Variants in NPAS2 observed in about 807,000 individuals in gnomAD.
NPAS2 encodes the protein neuronal PAS domain protein 2.
NPAS2 carries 23 observed loss-of-function variants against 107.5 expected under a neutral mutation model. That is an observed-to-expected ratio of 0.21 (90% CI 0.15 to 0.30). The LOEUF is 0.30. Ranked by LOEUF, NPAS2 falls within the 10% of genes least tolerant of loss-of-function variation. The pLI is 1.00. For missense variants in NPAS2, 756 were observed against 1,043.3 expected (o/e 0.72, Z 3.79); for synonymous variants, 403 against 417.5 (o/e 0.97, Z 0.42).
chr2:100,820,931 C>T lies in NPAS2; in HGVS notation c.-23+517C>T. On this transcript the variant is annotated intron_variant, in intron 1 of 20. Transcript: ENST00000335681. The surrounding 1 kb of genome is among the most constrained non-coding windows in gnomAD (Gnocchi z 5.6). Reference sequence around the variant, plus strand: ...TTCCGGGCCGGATTGGGTGCGGAATCGGTGCCCCCAACCCCCGTGTGCGCA... The same window carrying T: ...TTCCGGGCCGGATTGGGTGCGGAATTGGTGCCCCCAACCCCCGTGTGCGCA... 1 of 743,752 alleles carries T rather than the reference C, an allele frequency of 1.3e-6. No homozygotes were observed. Among genetic ancestry groups the T allele is most frequent in the South Asian group, 1.8e-5 (1 of 55,656 alleles). 46.1% of individuals were successfully genotyped at this position (743,752 alleles called of 1,614,324 possible). A position where few individuals can be genotyped will look rare whatever the true frequency, so the allele number is the denominator to read the frequency against.
chr2:100,981,467 G>T (rs555202261), intron 15 of NPAS2, among the ~76,000 whole-genome samples: 11 of 152,258 alleles, frequency 7.2e-5, no homozygotes, highest in Non-Finnish European at 1.3e-4. Context: ...TGAGGGAGAC[G>T]GGACAGGAGG....
intron 1 of NPAS2, among the ~76,000 whole-genome samples, chr2:100,839,550 G>A (rs1306364160): frequency 6.6e-6 from 1 of 152,062 alleles, no homozygotes; most frequent in Non-Finnish European, 1.5e-5. Flanking sequence ...AGAATATGGG[G>A]TATGATATAT....
chr2:100,928,051 G>T (rs1683696191), intron 3 of NPAS2, among the ~76,000 whole-genome samples: 2 of 152,120 alleles, frequency 1.3e-5, no homozygotes, highest in Admixed American at 1.3e-4. Context: ...AGAGGGTGCG[G>T]CTGGGACATC....
chr2:100,914,959 A>C (rs1421271710), intron 2 of NPAS2, among the ~76,000 whole-genome samples: 1 of 152,192 alleles, frequency 6.6e-6, no homozygotes, highest in Non-Finnish European at 1.5e-5. Flanking sequence ...GCCTAGACTC[A>C]ATGCAGCCCC....
chr2:100,829,968 A>G (rs1676625454), intron 1 of NPAS2, among the ~76,000 whole-genome samples: 1 of 152,192 alleles, frequency 6.6e-6, no homozygotes, highest in Non-Finnish European at 1.5e-5. Context: ...AGGAAAGGAA[A>G]AGGCAAGATG....
chr2:100,845,925 T>C (rs1022338173), intron 1 of NPAS2, among the ~76,000 whole-genome samples: 1 of 152,228 alleles, frequency 6.6e-6, no homozygotes, highest in African/African-American at 2.4e-5. Flanking sequence ...AATGGATTAT[T>C]CCAAACCACT....
intron 8 of NPAS2, among the ~76,000 whole-genome samples, chr2:100,964,394 C>T (rs777994703): frequency 1.3e-5 from 2 of 152,180 alleles, no homozygotes; most frequent in East Asian, 3.9e-4. Flanking sequence ...GCTTGCTGTT[C>T]AGCCCGCAGA....
rs1293086115 is a variant in NPAS2 at position 100,968,517 on chromosome 2, A to T, written c.1055+89A>T. 6 of 1,269,178 alleles carry T rather than the reference A, an allele frequency of 4.7e-6. No individual in the cohort carries two copies. The highest frequency in any genetic ancestry group is 6.7e-6 in the Non-Finnish European group (6 of 901,086). 78.6% of individuals were successfully genotyped at this position (1,269,178 alleles called of 1,614,324 possible). A position where few individuals can be genotyped will look rare whatever the true frequency, so the allele number is the denominator to read the frequency against. On this transcript the variant is annotated intron_variant, in intron 11 of 20. Coordinates refer to ENST00000335681, the MANE Select transcript of NPAS2 (RefSeq NM_002518.4). The surrounding 1 kb of genome is among the most constrained non-coding windows in gnomAD (Gnocchi z 5.3). ...GCGTGGCCCCTGATGGCCAAGTCAG[A>T]TCAGCAGTCACTCAGGTGTTCCCCA...
chr2:100,827,115 A>T (rs1676437603), intron 1 of NPAS2, among the ~76,000 whole-genome samples: 1 of 152,208 alleles, frequency 6.6e-6, no homozygotes, highest in African/African-American at 2.4e-5. Context: ...AGTAAACCTG[A>T]AAGATTTTCT....
chr2:100,986,249 AGCC>A (rs1677770441), intron 16 of NPAS2: 1 of 152,258 alleles, frequency 6.6e-6, no homozygotes, highest in Non-Finnish European at 1.5e-5. Context: ...ATCAGAACCC[AGCC>A]CCAGCTCAGC....
intron 2 of NPAS2, among the ~76,000 whole-genome samples, chr2:100,919,825 T>G (rs746800714): frequency 3.9e-5 from 6 of 152,186 alleles, no homozygotes; most frequent in Admixed American, 6.5e-5. Flanking sequence ...CCACCTCATG[T>G]TCTTGCCTCT....
chr2:100,866,946 G>A (rs967921516), intron 1 of NPAS2, among the ~76,000 whole-genome samples: 1 of 152,196 alleles, frequency 6.6e-6, no homozygotes, highest in Non-Finnish European at 1.5e-5. Context: ...GTTCTTTGGG[G>A]TGACATTAAG....
intron 3 of NPAS2, 124 bp downstream of exon 3, chr2:100,925,418 G>A: frequency 9.8e-7 from 1 of 1,017,674 alleles, no homozygotes. Context: ...ACCGGTCGAG[G>A]GCTTCCCATT....
chr2:100,860,392 C>T (rs563844474), intron 1 of NPAS2, among the ~76,000 whole-genome samples: 13 of 152,272 alleles, frequency 8.5e-5, no homozygotes, highest in African/African-American at 3.1e-4. Context: ...TTGATTAAGG[C>T]GGTATCTGCC....
chr2:100,842,426 A>G (rs1677497670), intron 1 of NPAS2, among the ~76,000 whole-genome samples: 1 of 152,004 alleles, frequency 6.6e-6, no homozygotes, highest in African/African-American at 2.4e-5. Context: ...CTGCGCCCAC[A>G]TAGAAAGTTT....
chr2:100,908,916 C>G (rs1320650396), intron 2 of NPAS2, among the ~76,000 whole-genome samples: 1 of 152,162 alleles, frequency 6.6e-6, no homozygotes, highest in African/African-American at 2.4e-5. Context: ...TCTGAAACAT[C>G]AGCTAAACAA....
intron 4 of NPAS2, among the ~76,000 whole-genome samples, chr2:100,936,260 C>G (rs1367641465): frequency 6.6e-6 from 1 of 152,218 alleles, no homozygotes; most frequent in African/African-American, 2.4e-5. Context: ...TGCACTTCAG[C>G]CACACCCTCC....
chr2:100,950,490 T>A (rs1675158084), intron 7 of NPAS2, among the ~76,000 whole-genome samples: 1 of 152,208 alleles, frequency 6.6e-6, no homozygotes, highest in Non-Finnish European at 1.5e-5. Flanking sequence ...GTCAAATTTG[T>A]CCCAGGGTTT....
intron 7 of NPAS2, among the ~76,000 whole-genome samples, chr2:100,958,103 G>C (rs1395936039): frequency 6.6e-6 from 1 of 152,178 alleles, no homozygotes; most frequent in Admixed American, 6.5e-5. Context: ...TTGCTGGTGT[G>C]GTTCCAAATA....
Sources: allele counts gnomAD v4.1 joint callset (sites outside exome capture counted in the v4.1 genomes callset), GRCh38; gene constraint gnomAD v4.1.1; non-coding constraint Gnocchi (gnomAD v3.1); transcripts MANE v1.5; gene names NCBI Gene and HGNC (gene_info 2026-07-23, HGNC 2026-07-21).